NR5A2: variants seen among roughly 807,000 people sequenced by gnomAD.
The protein encoded by NR5A2 is nuclear receptor subfamily 5 group A member 2, also known as CYP7A promoter-binding factor.
A neutral mutation model predicts 62.7 loss-of-function variants in NR5A2; 26 were observed. That is an observed-to-expected ratio of 0.41 (90% CI 0.30 to 0.58). NR5A2 has a LOEUF of 0.58. Among genes scored for constraint, NR5A2 ranks in the 20% least tolerant of loss-of-function variants. The pLI, the probability that NR5A2 is intolerant of heterozygous loss-of-function variation, is 0.22. For synonymous variants in NR5A2, 246 were observed against 241.7 expected (o/e 1.02, Z -0.16); for missense variants, 541 against 669.1 (o/e 0.81, Z 2.11).
At chr1:200,111,921 G>A (rs907230196) in intron 6 of NR5A2, among the ~76,000 whole-genome samples, 13 of 152,156 alleles carry the variant, frequency 8.5e-5, no homozygotes, top group African/African-American at 3.1e-4. Context: ...CTCTGTGCTA[G>A]TTACTTTTTG....
intron 7 of NR5A2, among the ~76,000 whole-genome samples, chr1:200,156,247 A>G (rs985109319): frequency 2.6e-5 from 4 of 152,208 alleles, no homozygotes; most frequent in African/African-American, 9.7e-5. Flanking sequence ...AGTGGCACCC[A>G]CAGTTGTGGG....
intron 7 of NR5A2, among the ~76,000 whole-genome samples, chr1:200,173,540 C>T (rs901315495): frequency 1.3e-5 from 2 of 152,196 alleles, no homozygotes; most frequent in African/African-American, 4.8e-5. Flanking sequence ...ATACCCTGGA[C>T]ACAGATTTCA....
At chr1:200,112,627 C>T (rs2102295784) in intron 6 of NR5A2, among the ~76,000 whole-genome samples, 1 of 152,324 alleles carries the variant, frequency 6.6e-6, no homozygotes, top group Non-Finnish European at 1.5e-5. Flanking sequence ...TGGGTCAATT[C>T]AAGCATCTCC....
intron 5 of NR5A2, among the ~76,000 whole-genome samples, chr1:200,051,369 C>T (rs1015805603): frequency 3.9e-5 from 6 of 152,166 alleles, no homozygotes; most frequent in African/African-American, 1.2e-4. Context: ...CCTCTCTTTT[C>T]CCTCCTCTGT....
At chr1:200,091,701 T>G (rs1160355081) in intron 5 of NR5A2, among the ~76,000 whole-genome samples, 1 of 152,124 alleles carries the variant, frequency 6.6e-6, no homozygotes, top group East Asian at 1.9e-4. Flanking sequence ...GTGAGGATGG[T>G]CTTGATCTCC....
intron 7 of NR5A2, among the ~76,000 whole-genome samples, chr1:200,161,468 G>A (rs899410556): frequency 6.6e-6 from 1 of 152,140 alleles, no homozygotes; most frequent in Non-Finnish European, 1.5e-5. Flanking sequence ...AATGCAAATT[G>A]CAAATGTGTA....
At position 200,173,955 on chromosome 1, in the gene NR5A2, T is replaced by TA; in HGVS notation, c.1379-6dup. On this transcript the variant is annotated splice_region_variant and splice_polypyrimidine_tract_variant and intron_variant, in intron 7 of 7. Coordinates refer to ENST00000367362, the MANE Select transcript of NR5A2 (RefSeq NM_205860.3). ...ATGTTGCTTTTTTTTTTTTTTTTTT[T>TA]AATGCAGATGTCAAAAACCTTGAAA... 1 of 1,344,392 alleles carries TA rather than the reference T, an allele frequency of 7.4e-7. No homozygotes were observed. Among genetic ancestry groups the TA allele is most frequent in the Non-Finnish European group, 9.7e-7 (1 of 1,035,206 alleles). 83.3% of individuals were successfully genotyped at this position (1,344,392 alleles called of 1,614,324 possible). A position where few individuals can be genotyped will look rare whatever the true frequency, so the allele number is the denominator to read the frequency against.
intron 5 of NR5A2, among the ~76,000 whole-genome samples, chr1:200,077,685 G>A (rs1664104346): frequency 6.6e-6 from 1 of 151,804 alleles, no homozygotes; most frequent in Admixed American, 6.6e-5. Context: ...CTGCACTCCA[G>A]CCTGGGTGAC....
At chr1:200,130,977 AAC>A (rs1666946985) in intron 7 of NR5A2, among the ~76,000 whole-genome samples, 1 of 152,228 alleles carries the variant, frequency 6.6e-6, no homozygotes, top group Non-Finnish European at 1.5e-5. Context: ...AATTTAGAAA[AAC>A]ACTCACTAGA....
chr1:200,058,439 G>GT (rs1350181880), intron 5 of NR5A2: 1 of 151,872 alleles, frequency 6.6e-6, no homozygotes, highest in Admixed American at 6.6e-5. Flanking sequence ...GTGGTTTTTC[G>GT]TAAGTTTACC....
intron 7 of NR5A2, among the ~76,000 whole-genome samples, chr1:200,129,748 T>G (rs1178174226): frequency 6.6e-6 from 1 of 152,226 alleles, no homozygotes; most frequent in Non-Finnish European, 1.5e-5. Context: ...GGGGTTTTTC[T>G]GCCACTTCCT....
intron 7 of NR5A2, among the ~76,000 whole-genome samples, chr1:200,124,098 C>T (rs1399073585): frequency 6.6e-6 from 1 of 152,120 alleles, no homozygotes; most frequent in Non-Finnish European, 1.5e-5. Context: ...GCCACCACGC[C>T]TGGCCTAGAG....
intron 2 of NR5A2, among the ~76,000 whole-genome samples, chr1:200,040,692 C>A (rs1431929215): frequency 6.6e-6 from 1 of 152,230 alleles, no homozygotes; most frequent in Non-Finnish European, 1.5e-5. Flanking sequence ...GGCCGGCGGG[C>A]CTGTGATCCC....
At chr1:200,163,589 C>T (rs1225857434) in intron 7 of NR5A2, among the ~76,000 whole-genome samples, 3 of 151,786 alleles carry the variant, frequency 2.0e-5, no homozygotes, top group Non-Finnish European at 4.4e-5. Flanking sequence ...TCAAGTGATT[C>T]TCCCACCTCA....
At chr1:200,158,359 A>G (rs914395958) in intron 7 of NR5A2, among the ~76,000 whole-genome samples, 21 of 152,226 alleles carry the variant, frequency 1.4e-4, no homozygotes, top group Admixed American at 1.4e-3. Context: ...AAGTAGATGC[A>G]AGGGGTTTAA....
At chr1:200,172,924 G>C (rs1571593223) in intron 7 of NR5A2, among the ~76,000 whole-genome samples, 1 of 152,118 alleles carries the variant, frequency 6.6e-6, no homozygotes. Flanking sequence ...TTTACTTTCT[G>C]AGCATGGGTG....
intron 5 of NR5A2, among the ~76,000 whole-genome samples, chr1:200,077,603 A>G (rs1664099881): frequency 6.6e-6 from 1 of 152,038 alleles, no homozygotes; most frequent in African/African-American, 2.4e-5. Flanking sequence ...AATCCCAGCT[A>G]CTCGGGAGGC....
At chr1:200,115,038 T>G (rs1458671340) in intron 6 of NR5A2, among the ~76,000 whole-genome samples, 1 of 131,156 alleles carries the variant, frequency 7.6e-6, no homozygotes, top group Non-Finnish European at 1.7e-5. Context: ...TGGATATGCT[T>G]TTTTTGTGGT....
intron 5 of NR5A2, among the ~76,000 whole-genome samples, chr1:200,076,546 T>C (rs1291850412): frequency 6.6e-6 from 1 of 152,136 alleles, no homozygotes; most frequent in Admixed American, 6.5e-5. Context: ...GTTAACTTAC[T>C]ATTATAGTAT....
Sources: gnomAD v4.1 joint callset for allele counts (sites outside exome capture counted in the v4.1 genomes callset) on GRCh38, gnomAD v4.1.1 for gene constraint, MANE v1.5 for transcripts, NCBI Gene and HGNC (gene_info 2026-07-23, HGNC 2026-07-21) for gene names.